TPH2: variants seen among roughly 807,000 people sequenced by gnomAD.
TPH2 encodes the protein tryptophan 5-hydroxylase 2.
TPH2 carries 27 observed loss-of-function variants against 59.1 expected under a neutral mutation model. The observed-to-expected ratio is 0.46, with a 90% CI of 0.34 to 0.63. TPH2 has a LOEUF of 0.63. Among genes scored for constraint, TPH2 ranks in the 30% least tolerant of loss-of-function variants. The pLI is 0.01. For synonymous variants in TPH2, 220 were observed against 210.5 expected (o/e 1.05, Z -0.39); for missense variants, 523 against 588.3 (o/e 0.89, Z 1.15).
rs114243648 is a variant in TPH2 at position 71,962,160 on chromosome 12, C to G, written c.609-10359C>G. The G allele has an allele frequency of 1.6e-3, 1,563 of 986,812 alleles. 24 individuals are homozygous for G. In the African/African-American group the frequency reaches 0.026, roughly 16 times the overall value. The allele number at this position is 986,812 out of a possible 1,614,324, so 61.1% of individuals were successfully genotyped here. A position where few individuals can be genotyped will look rare whatever the true frequency, so the allele number is the denominator to read the frequency against. On this transcript the variant is annotated intron_variant, in intron 5 of 10. Transcript: ENST00000333850. ...CCTAACCTCCTCTACAGATGAGTCC[C>G]CGTCAAGCCACGTATGTCAGATGAC...
intron 5 of TPH2, chr12:71,961,484 T>C: frequency 7.6e-7 from 1 of 1,323,192 alleles, no homozygotes; most frequent in Non-Finnish European, 1.0e-6. Flanking sequence ...TTCTGTCTCT[T>C]TCAAACAAGG....
At chr12:71,977,720 G>T (rs1423262814) in intron 6 of TPH2, among the ~76,000 whole-genome samples, 1 of 152,140 alleles carries the variant, frequency 6.6e-6, no homozygotes, top group African/African-American at 2.4e-5. Flanking sequence ...TTCACTTAAA[G>T]TCGCAATTTT....
intron 8 of TPH2, among the ~76,000 whole-genome samples, chr12:72,013,970 T>C (rs1480746162): frequency 6.6e-6 from 1 of 151,994 alleles, no homozygotes; most frequent in Non-Finnish European, 1.5e-5. Flanking sequence ...ACCCAGTGAA[T>C]GGTGGGTTTC....
rs567159509 is a variant in TPH2 at position 71,988,156 on chromosome 12, A to G, written c.942-6283A>G. ...ATTTGCCTACACAAGAATATGAGAG[A>G]TGAACTTAGGTCTGACTGTAGGGTA... On this transcript the variant is annotated intron_variant, in intron 7 of 10. Coordinates refer to ENST00000333850, the MANE Select transcript of TPH2 (RefSeq NM_173353.4). 2.6e-5 allele frequency among the ~76,000 whole-genome samples: 4 copies of G among 152,318 alleles called. No individual in the cohort carries two copies. The South Asian group carries it at 8.3e-4, about 32-fold the overall frequency.
intron 8 of TPH2, among the ~76,000 whole-genome samples, chr12:71,999,577 T>C (rs1452952393): frequency 6.6e-6 from 1 of 152,190 alleles, no homozygotes; most frequent in Non-Finnish European, 1.5e-5. Context: ...TTTAATAGAT[T>C]AGTGTGTATG....
rs1183116861 is a variant in TPH2 at position 72,025,883 on chromosome 12, T to C, written c.1164+3389T>C. 2.6e-5 allele frequency among the ~76,000 whole-genome samples: 4 copies of C among 152,256 alleles called. No individual in the cohort carries two copies. The East Asian group carries it at 7.7e-4, about 29-fold the overall frequency. The stretch of plus-strand genomic sequence containing the variant: ...ATCTAACTATATGTCTATCGTTTTT[T>C]TGATATATTATTTGCTTGCTTATTC... On this transcript the variant is annotated intron_variant, in intron 9 of 10. Coordinates refer to ENST00000333850, the MANE Select transcript of TPH2 (RefSeq NM_173353.4).
At chr12:71,948,164 T>TTTA (rs35367496) in intron 4 of TPH2, among the ~76,000 whole-genome samples, 4,501 of 151,568 alleles carry the variant, frequency 0.03, 98 homozygotes, top group Middle Eastern at 0.059. Flanking sequence ...TTTATTTTAT[T>TTTA]TTATTATTAT....
intron 5 of TPH2, among the ~76,000 whole-genome samples, chr12:71,956,412 T>G: frequency 7.1e-6 from 1 of 140,488 alleles, no homozygotes. Flanking sequence ...CTCCCTCTCC[T>G]TCCCTCTCTC....
chr12:71,939,184 C>A, intron 1 of TPH2, 93 bp downstream of exon 1: 1 of 923,068 alleles, frequency 1.1e-6, no homozygotes, highest in Non-Finnish European at 1.7e-6. Context: ...AGTGTAAGCA[C>A]GCACACCTCA....
At chr12:72,011,306 T>C (rs1873093525) in intron 8 of TPH2, among the ~76,000 whole-genome samples, 1 of 152,200 alleles carries the variant, frequency 6.6e-6, no homozygotes, top group Non-Finnish European at 1.5e-5. Flanking sequence ...GCAAAATACC[T>C]GCAGGTCCAG....
At chr12:72,008,267 T>G (rs1873007792) in intron 8 of TPH2, among the ~76,000 whole-genome samples, 1 of 152,212 alleles carries the variant, frequency 6.6e-6, no homozygotes, top group Non-Finnish European at 1.5e-5. Context: ...TCAGGAAACT[T>G]TTGCATCTAA....
intron 6 of TPH2, among the ~76,000 whole-genome samples, chr12:71,978,215 T>TAA: frequency 6.9e-6 from 1 of 144,554 alleles, no homozygotes; most frequent in African/African-American, 2.5e-5. Context: ...AATGCATATT[T>TAA]AAAAAAAAAA....
In TPH2 at chr12:71,945,768, C is replaced by T. The variant is rs113862266; in HGVS notation, c.540+1082C>T. Reference sequence around the variant, plus strand: ...TAAACCAGTCATTTGACATAATATACCAACTCAGACCAATTCAAATATACC... The same window carrying T: ...TAAACCAGTCATTTGACATAATATATCAACTCAGACCAATTCAAATATACC... On this transcript the variant is annotated intron_variant, in intron 4 of 10. Transcript: ENST00000333850. Among the ~76,000 whole-genome samples the T allele has an allele frequency of 2.7e-3, 416 of 152,206 alleles. 2 individuals carry two copies. Among genetic ancestry groups the T allele is most frequent in the African/African-American group, 9.4e-3 (389 of 41,532 alleles).
chr12:71,970,757 C>T (rs1031769663), intron 5 of TPH2, among the ~76,000 whole-genome samples: 2 of 152,182 alleles, frequency 1.3e-5, no homozygotes, highest in Non-Finnish European at 2.9e-5. Flanking sequence ...CTTGATCTTC[C>T]CAGCAAATAT....
intron 9 of TPH2, among the ~76,000 whole-genome samples, chr12:72,029,976 G>A (rs1365971983): frequency 2.6e-5 from 4 of 152,124 alleles, no homozygotes; most frequent in Admixed American, 2.0e-4. Context: ...TGAGAAGGTA[G>A]AAAAGTATAA....
rs1871149754 is a variant in TPH2 at position 71,944,442 on chromosome 12, T to G, written c.404T>G (p.Leu135Arg). 2 of 1,613,894 alleles carry G rather than the reference T, an allele frequency of 1.2e-6. No individual in the cohort carries two copies. The highest frequency in any genetic ancestry group is 2.2e-5 in the South Asian group (2 of 91,088). Residue 135 changes from leucine (L) to arginine (R), a missense_variant, in exon 3 of 11, where the codon CTG (leucine) becomes CGG (arginine). Transcript: ENST00000333850. The stretch of plus-strand genomic sequence containing the variant: ...AAATTTCAAACCACTATTGTGACGC[T>G]GAATCCTCCAGAGAACATTTGGACA... Reference protein sequence around the residue: ...LLKFQTTIVTLNPPENIWTEE... With the variant: ...LLKFQTTIVTRNPPENIWTEE...
intron 5 of TPH2, among the ~76,000 whole-genome samples, chr12:71,951,672 G>A (rs1871351002): frequency 1.3e-5 from 2 of 150,918 alleles, no homozygotes; most frequent in South Asian, 2.1e-4. Context: ...ATATGTAGAT[G>A]CTATATGTTT....
rs954449842 is a variant in TPH2, at chr12:72,031,897, T to C, written c.*202T>C. On this transcript the variant is annotated 3_prime_UTR_variant, in exon 11 of 11. Coordinates refer to ENST00000333850, the MANE Select transcript of TPH2 (RefSeq NM_173353.4). ...CAATGGCAGATAACCACTCATTGTA[T>C]GAAATAACGTATTATGTTTAAACAT... The C allele has an allele frequency of 3.2e-6, 2 of 624,320 alleles. No individual in the cohort carries two copies. Among genetic ancestry groups the C allele is most frequent in the Non-Finnish European group, 5.7e-6 (2 of 352,466 alleles). 38.7% of individuals were successfully genotyped at this position (624,320 alleles called of 1,614,324 possible). A position where few individuals can be genotyped will look rare whatever the true frequency, so the allele number is the denominator to read the frequency against.
At chr12:72,022,647 A>C (rs1873451806) in intron 9 of TPH2, among the ~76,000 whole-genome samples, 153 bp downstream of exon 9, 1 of 152,244 alleles carries the variant, frequency 6.6e-6, no homozygotes, top group African/African-American at 2.4e-5. Context: ...TGCCGACCTC[A>C]CTTTTCGCAC....
Sources: gnomAD v4.1 joint callset for allele counts (sites outside exome capture counted in the v4.1 genomes callset) on GRCh38, gnomAD v4.1.1 for gene constraint, MANE v1.5 for transcripts, NCBI Gene and HGNC (gene_info 2026-07-23, HGNC 2026-07-21) for gene names.